Variants in MIA3 observed in about 807,000 individuals in gnomAD.
MIA3 encodes the protein MIA SH3 domain ER export factor 3.
In MIA3, 90 loss-of-function variants were observed where a neutral mutation model predicts 192.4. That is an observed-to-expected ratio of 0.47 (90% CI 0.39 to 0.56). The LOEUF (loss-of-function observed/expected upper bound fraction) is 0.56, where lower values mean the gene tolerates loss of function less well. Among genes scored for constraint, MIA3 ranks in the 20% least tolerant of loss-of-function variants. MIA3 has a pLI of 0.00. For missense variants in MIA3, 2,123 were observed against 2,269.4 expected, an observed-to-expected ratio of 0.94 and a Z score of 1.31; for synonymous variants, 740 against 792.8, an observed-to-expected ratio of 0.93 and a Z score of 1.12.
intron 6 of MIA3, chr1:222,641,460 T>G: frequency 2.0e-6 from 1 of 497,714 alleles, no homozygotes; most frequent in Non-Finnish European, 4.0e-6. Flanking sequence ...TCTGGGCTGC[T>G]GAATCGTCTG....
chr1:222,655,881 T>C (rs148766513), intron 18 of MIA3, among the ~76,000 whole-genome samples: 149 of 151,260 alleles, frequency 9.9e-4, no homozygotes, highest in African/African-American at 3.2e-3. Flanking sequence ...TGTCCACCCC[T>C]AAAGTCACTG....
In MIA3 at chr1:222,663,988, T is replaced by C; in HGVS notation, c.5263-10T>C. 6.2e-7 allele frequency: 1 copy of C among 1,603,832 alleles called. No homozygotes were observed. The highest frequency in any genetic ancestry group is 8.5e-7 in the Non-Finnish European group (1 of 1,175,398). Reference sequence around the variant, plus strand: ...AGTATTTCAAAACTTCAATTGTTTCTACTCTGCAGGTTAATATGGCTCCAA... The same window carrying C: ...AGTATTTCAAAACTTCAATTGTTTCCACTCTGCAGGTTAATATGGCTCCAA... On this transcript the variant is annotated splice_polypyrimidine_tract_variant and intron_variant, in intron 26 of 27. Coordinates refer to ENST00000344922, the MANE Select transcript of MIA3 (RefSeq NM_198551.4).
intron 6 of MIA3, among the ~76,000 whole-genome samples, chr1:222,643,932 G>A (rs771268890): frequency 6.7e-6 from 1 of 149,816 alleles, no homozygotes; most frequent in African/African-American, 2.5e-5. Context: ...AGTAAGCAGA[G>A]GACTGAGTGG....
At position 222,665,197 on chromosome 1, in the gene MIA3, C is replaced by CAA. The variant is rs879011032; in HGVS notation, c.5414-89_5414-88dup. 1,725 of 383,616 alleles carry CAA rather than the reference C, an allele frequency of 4.5e-3. 1 individual carries two copies. The highest frequency in any genetic ancestry group is 8.4e-3 in the African/African-American group (185 of 22,120). 23.8% of individuals were successfully genotyped at this position (383,616 alleles called of 1,614,324 possible). Reference sequence around the variant, plus strand: ...CATGTGACAGGCAAGACCCTGCCGCCAAAAAAAAAAAAAAAAAAAAAAAAG... The same window carrying CAA: ...CATGTGACAGGCAAGACCCTGCCGCCAAAAAAAAAAAAAAAAAAAAAAAAAAG... On this transcript the variant is annotated intron_variant, in intron 27 of 27. Transcript: ENST00000344922.
chr1:222,640,909 A>G (rs1662823817), intron 6 of MIA3, among the ~76,000 whole-genome samples: 1 of 152,264 alleles, frequency 6.6e-6, no homozygotes, highest in Admixed American at 6.5e-5. Flanking sequence ...AATGTAATGC[A>G]GTAAAATTAC....
In MIA3 at chr1:222,629,391, A is replaced by G. The variant is rs987535398; in HGVS notation, c.2171A>G (p.Asp724Gly). 4 of 1,614,090 alleles carry G rather than the reference A, an allele frequency of 2.5e-6. No individual in the cohort carries two copies. The Admixed American group carries it at 5.0e-5, about 20-fold the overall frequency. ...TTCCTTTCTAAAGTAGAAGAGGATG[A>G]TTATCCCTCTGAAGAACTACTAGAG... is the stretch of plus-strand genomic sequence containing the variant. ...PAFLSKVEED[D>G]YPSEELLEDE... Residue 724 changes from aspartate (D) to glycine (G), a missense_variant, in exon 4 of 28, where the codon GAT becomes GGT. Physicochemically the swap from Asp to Gly is moderately conservative, Grantham distance 94. Transcript: ENST00000344922.
At chr1:222,624,646 C>G (rs1420347152) in intron 2 of MIA3, 122 bp from the exon 3 acceptor site, 1 of 610,728 alleles carries the variant, frequency 1.6e-6, no homozygotes, top group African/African-American at 1.9e-5. Context: ...AAAGTAATGA[C>G]ATTACAAGAA....
intron 2 of MIA3, 62 bp from the exon 3 acceptor site, chr1:222,624,706 G>A (rs775032876): frequency 1.6e-5 from 13 of 799,030 alleles, no homozygotes; most frequent in African/African-American, 6.8e-5. Flanking sequence ...CAGCTCTATC[G>A]TTCATATTTC....
Position 222,627,664 on chromosome 1 carries a change from T to C in MIA3, c.444T>C (p.Asn148=). 1.2e-6 allele frequency: 2 copies of C among 1,612,622 alleles called. No individual in the cohort carries two copies. The highest frequency in any genetic ancestry group is 1.7e-6 in the Non-Finnish European group (2 of 1,179,474). ...EELLGFLELY[N]SAATDSEKAV... ...TTTTAGGGTTTTTGGAACTGTACAATTCTGCAGCTACAGATTCTGAGAAAG... is the reference window on the plus strand; with the variant it reads ...TTTTAGGGTTTTTGGAACTGTACAACTCTGCAGCTACAGATTCTGAGAAAG... Residue 148 remains asparagine, a synonymous_variant, in exon 4 of 28, where the codon AAT becomes AAC. Coordinates refer to ENST00000344922, the MANE Select transcript of MIA3 (RefSeq NM_198551.4).
At chr1:222,644,973 C>A (rs551893297) in intron 6 of MIA3, among the ~76,000 whole-genome samples, 10 of 152,116 alleles carry the variant, frequency 6.6e-5, no homozygotes, top group Middle Eastern at 6.8e-3. Context: ...GCACTGTTTT[C>A]AAGGAAACAT....
intron 1 of MIA3, 89 bp from the exon 2 acceptor site, chr1:222,621,070 G>T: frequency 2.6e-6 from 3 of 1,138,028 alleles, no homozygotes; most frequent in Non-Finnish European, 3.7e-6. Context: ...GTTTATAGTG[G>T]GATTCTTATA....
intron 2 of MIA3, among the ~76,000 whole-genome samples, chr1:222,624,392 ACCT>A (rs1413053552): frequency 7.2e-5 from 11 of 152,300 alleles, no homozygotes; most frequent in East Asian, 5.8e-4. Flanking sequence ...GTTCGTAGCC[ACCT>A]CCTCTTGCTA....
At chr1:222,656,098 T>C (rs929516875) in intron 18 of MIA3, among the ~76,000 whole-genome samples, 1 of 150,724 alleles carries the variant, frequency 6.6e-6, no homozygotes, top group Non-Finnish European at 1.5e-5. Flanking sequence ...GTCTCCCGAG[T>C]AGCTGGGACT....
chr1:222,639,584 A>C (rs1046445687), intron 6 of MIA3, among the ~76,000 whole-genome samples: 2 of 152,204 alleles, frequency 1.3e-5, no homozygotes, highest in Non-Finnish European at 2.9e-5. Flanking sequence ...TTTGTTTAAC[A>C]TTTGAAAATC....
intron 2 of MIA3, among the ~76,000 whole-genome samples, chr1:222,624,382 G>T (rs1558171377): frequency 2.0e-5 from 3 of 152,206 alleles, no homozygotes; most frequent in Admixed American, 1.3e-4. Flanking sequence ...TACTATAATA[G>T]TTCGTAGCCA....
chr1:222,652,991 G>T lies in MIA3; in HGVS notation c.4087-17G>T. The T allele has an allele frequency of 1.2e-6, 2 of 1,605,144 alleles. No homozygotes were observed. Among genetic ancestry groups the T allele is most frequent in the Non-Finnish European group, 1.7e-6 (2 of 1,173,628 alleles). On this transcript the variant is annotated splice_polypyrimidine_tract_variant and intron_variant, in intron 13 of 27. Transcript: ENST00000344922. ...AAAAGCCCTAACCTGTGGGAATCAT[G>T]TGTTTTAACTTTGCAGTTGCAGCAG...
intron 6 of MIA3, chr1:222,641,568 C>A: frequency 2.0e-6 from 1 of 510,056 alleles, no homozygotes; most frequent in South Asian, 1.4e-5. Flanking sequence ...TCAAGAAGTC[C>A]TTGGCATCCT....
intron 6 of MIA3, among the ~76,000 whole-genome samples, chr1:222,637,610 C>G (rs917830231): frequency 2.0e-5 from 3 of 151,094 alleles, no homozygotes; most frequent in Admixed American, 2.0e-4. Context: ...TTGTTTTTTT[C>G]TGACTCTTTC....
Position 222,667,335 on chromosome 1 carries a change from T to TTAAG in MIA3, c.*1718_*1721dup, listed in dbSNP as rs1664334629. The TTAAG allele has an allele frequency of 6.6e-6, 1 of 152,148 alleles. No homozygotes were observed. The highest frequency in any genetic ancestry group is 6.5e-5 in the Admixed American group (1 of 15,268). The allele number at this position is 152,148 out of a possible 1,614,324, so 9.4% of individuals were successfully genotyped here. ...CACTTTTAGCCATGTAAAAATAAGA[T>TTAAG]TAAGTCACAAATACAACTTTTGAAT... On this transcript the variant is annotated 3_prime_UTR_variant, in exon 28 of 28. Transcript: ENST00000344922.
Sources: gnomAD v4.1 joint callset for allele counts (sites outside exome capture counted in the v4.1 genomes callset) on GRCh38, gnomAD v4.1.1 for gene constraint, MANE v1.5 for transcripts, NCBI Gene and HGNC (gene_info 2026-07-23, HGNC 2026-07-21) for gene names.